GLCCI1: variants seen among roughly 807,000 people sequenced by gnomAD.
GLCCI1 encodes glucocorticoid-induced transcript 1 protein.
GLCCI1 carries 24 observed loss-of-function variants against 52.2 expected under a neutral mutation model. The observed-to-expected ratio is 0.46, with a 90% confidence interval of 0.33 to 0.65. The LOEUF is 0.65. Among genes scored for constraint, GLCCI1 ranks in the 30% least tolerant of loss-of-function variants. The pLI is 0.02. For missense variants in GLCCI1, 704 were observed against 701.5 expected (o/e 1.00, Z -0.04); for synonymous variants, 310 against 276.5 (o/e 1.12, Z -1.20).
chr7:7,977,148 A>T (rs1258967476), intron 1 of GLCCI1, among the ~76,000 whole-genome samples: 1 of 152,198 alleles, frequency 6.6e-6, no homozygotes, highest in Non-Finnish European at 1.5e-5. Context: ...TAGCTTTCTG[A>T]TGAAACATTT....
intron 5 of GLCCI1, among the ~76,000 whole-genome samples, chr7:8,068,106 C>G (rs933388245): frequency 6.6e-6 from 1 of 152,150 alleles, no homozygotes; most frequent in African/African-American, 2.4e-5. Context: ...AATCCTAGCA[C>G]TTTGGGAGGC....
At chr7:8,069,496 A>G (rs957569938) in intron 5 of GLCCI1, among the ~76,000 whole-genome samples, 2 of 152,048 alleles carry the variant, frequency 1.3e-5, no homozygotes, top group Admixed American at 6.5e-5. Context: ...TGCTACTGGG[A>G]TGTTCAGCCA....
chr7:8,064,581 A>G (rs1368012750), intron 5 of GLCCI1, among the ~76,000 whole-genome samples: 1 of 152,070 alleles, frequency 6.6e-6, no homozygotes, highest in Non-Finnish European at 1.5e-5. Flanking sequence ...TTGGCTGTTC[A>G]AGCTCCTTTT....
chr7:7,972,017 T>A (rs1361631621), intron 1 of GLCCI1, among the ~76,000 whole-genome samples: 1 of 152,222 alleles, frequency 6.6e-6, no homozygotes, highest in Non-Finnish European at 1.5e-5. Context: ...TACTTCTCCA[T>A]GTCCCGCCTT....
chr7:8,035,644 T>C (rs1386418345), intron 3 of GLCCI1, among the ~76,000 whole-genome samples: 2 of 152,232 alleles, frequency 1.3e-5, no homozygotes, highest in Non-Finnish European at 2.9e-5. Context: ...AGACAGGTTC[T>C]ACACCAAAGA....
chr7:8,020,456 A>G lies in GLCCI1; in HGVS notation c.610-2027A>G, dbSNP rs374302100. On this transcript the variant is annotated intron_variant, in intron 2 of 7. Coordinates refer to ENST00000223145, the MANE Select transcript of GLCCI1 (RefSeq NM_138426.4). Reference sequence around the variant, plus strand: ...TAAGTTTTCATATTCATTTTTAAGAAAAGGATAATAGGAAGAAAGAAGATA... The same window carrying G: ...TAAGTTTTCATATTCATTTTTAAGAGAAGGATAATAGGAAGAAAGAAGATA... Among the ~76,000 whole-genome samples the G allele has an allele frequency of 3.9e-5, 6 of 152,232 alleles. No homozygotes were observed. In the East Asian group the frequency reaches 9.6e-4, roughly 24 times the overall value.
At chr7:8,065,341 G>A (rs979221968) in intron 5 of GLCCI1, among the ~76,000 whole-genome samples, 4 of 152,164 alleles carry the variant, frequency 2.6e-5, no homozygotes, top group African/African-American at 7.2e-5. Context: ...GAATCATATT[G>A]TCTAAAACCA....
rs1783109895 is a variant in GLCCI1, at chr7:8,086,517, T to C, written c.1623T>C (p.Ala541=). ...QELQGEDHIS[A]QNYVII is the part of the protein sequence containing the mutation. ...TGCAGGGTGAGGACCACATCTCTGC[T>C]CAGAACTATGTGATCATCTAAAAAA... Residue 541 remains alanine, a synonymous_variant, in exon 8 of 8, where the codon GCT becomes GCC. Transcript: ENST00000223145. The surrounding 1 kb of genome is among the most constrained non-coding windows in gnomAD (Gnocchi z 4.4). 1.2e-6 allele frequency: 2 copies of C among 1,607,306 alleles called. No individual in the cohort carries two copies. Among genetic ancestry groups the C allele is most frequent in the Middle Eastern group, 3.3e-4 (2 of 6,012 alleles).
chr7:8,006,387 G>C (rs1781149995), intron 2 of GLCCI1, among the ~76,000 whole-genome samples: 1 of 152,184 alleles, frequency 6.6e-6, no homozygotes, highest in East Asian at 1.9e-4. Context: ...GTGATGTGGA[G>C]ATAGAAGGAA....
chr7:8,070,320 C>G (rs1782728756), intron 5 of GLCCI1: 2 of 152,128 alleles, frequency 1.3e-5, no homozygotes, highest in South Asian at 2.1e-4. Context: ...AATTTGATAT[C>G]CAAATTCTTC....
At chr7:8,078,748 G>A (rs1484486245) in intron 6 of GLCCI1, 1 of 152,176 alleles carries the variant, frequency 6.6e-6, no homozygotes, top group East Asian at 1.9e-4. Context: ...GATGTATGAG[G>A]TGAGGGAGGA....
At chr7:8,027,991 A>G (rs114447477) in intron 3 of GLCCI1, among the ~76,000 whole-genome samples, 388 of 152,362 alleles carry the variant, frequency 2.5e-3, no homozygotes, top group African/African-American at 8.7e-3. Context: ...AGAGGAAGAT[A>G]GACCCCAATA....
At chr7:7,993,611 A>G (rs1040179526) in intron 1 of GLCCI1, among the ~76,000 whole-genome samples, 9 of 152,196 alleles carry the variant, frequency 5.9e-5, no homozygotes, top group Non-Finnish European at 1.0e-4. Flanking sequence ...CTGGACCATC[A>G]GAAGCCTGGG....
At chr7:8,018,007 G>A (rs1397103786) in intron 2 of GLCCI1, among the ~76,000 whole-genome samples, 2 of 152,096 alleles carry the variant, frequency 1.3e-5, no homozygotes, top group African/African-American at 4.8e-5. Context: ...ATAATGGTTT[G>A]TCATTACCTA....
intron 1 of GLCCI1, among the ~76,000 whole-genome samples, chr7:8,000,840 A>G (rs1248200872): frequency 1.1e-4 from 16 of 152,118 alleles, no homozygotes; most frequent in Non-Finnish European, 4.4e-5. Context: ...AGTCTGTTTT[A>G]TCAGAGACTA....
intron 5 of GLCCI1, among the ~76,000 whole-genome samples, chr7:8,069,055 C>A (rs748149399): frequency 6.6e-6 from 1 of 152,158 alleles, no homozygotes; most frequent in Non-Finnish European, 1.5e-5. Context: ...AGTGTGGGCT[C>A]CTCTCCTACT....
intron 4 of GLCCI1, 83 bp downstream of exon 4, chr7:8,055,632 A>C (rs1782371767): frequency 1.2e-6 from 1 of 835,314 alleles, no homozygotes; most frequent in Non-Finnish European, 2.0e-6. Flanking sequence ...ATTTAAAAAA[A>C]CCCATAAATA....
At chr7:8,004,100 T>A (rs755345418) in intron 2 of GLCCI1, 41 bp downstream of exon 2, 2 of 1,556,444 alleles carry the variant, frequency 1.3e-6, no homozygotes, top group East Asian at 2.3e-5. Context: ...ACCCTGCACT[T>A]CTTCTGTTTT....
Position 7,969,955 on chromosome 7 carries a change from T to A in GLCCI1, c.457+148T>A. 9.3e-7 allele frequency: 1 copy of A among 1,069,848 alleles called. No individual in the cohort carries two copies. The highest frequency in any genetic ancestry group is 1.2e-6 in the Non-Finnish European group (1 of 866,944). The allele number at this position is 1,069,848 out of a possible 1,614,324, so 66.3% of individuals were successfully genotyped here. A position where few individuals can be genotyped will look rare whatever the true frequency, so the allele number is the denominator to read the frequency against. On this transcript the variant is annotated intron_variant, in intron 1 of 7. Coordinates refer to ENST00000223145, the MANE Select transcript of GLCCI1 (RefSeq NM_138426.4). The surrounding 1 kb of genome is among the most constrained non-coding windows in gnomAD (Gnocchi z 4.9). ...GGGAATCTCACCCCCCTGCGGTCGC[T>A]GTGGGGCTTGGAGGAGCGAACTGAA...
Sources: gnomAD v4.1 joint callset for allele counts (sites outside exome capture counted in the v4.1 genomes callset) on GRCh38, gnomAD v4.1.1 for gene constraint, Gnocchi (gnomAD v3.1) non-coding constraint, MANE v1.5 for transcripts, NCBI Gene and HGNC (gene_info 2026-07-23, HGNC 2026-07-21) for gene names.